Variants in NCEH1 observed in about 807,000 individuals in gnomAD.
NCEH1 encodes the protein neutral cholesterol ester hydrolase 1.
Under a neutral mutation model 25.4 loss-of-function variants are expected in NCEH1, and 9 were observed. That is an observed-to-expected ratio of 0.35 (90% CI 0.21 to 0.62). The LOEUF (loss-of-function observed/expected upper bound fraction) is 0.62. Ranked by LOEUF, NCEH1 falls within the 20% of genes least tolerant of loss-of-function variation. The probability of loss-of-function intolerance (pLI) is 0.72; values close to 1 mark genes in which losing one functional copy is unlikely to be tolerated. For synonymous variants in NCEH1, 200 were observed against 199.8 expected (o/e 1.00, Z -0.01); for missense variants, 412 against 501.1 (o/e 0.82, Z 1.70).
intron 3 of NCEH1, among the ~76,000 whole-genome samples, chr3:172,644,536 A>C (rs1279707720): frequency 1.3e-5 from 2 of 152,208 alleles, no homozygotes; most frequent in Non-Finnish European, 2.9e-5. Flanking sequence ...AGGTCCAGAG[A>C]CCTCAGGAAC....
intron 1 of NCEH1, among the ~76,000 whole-genome samples, chr3:172,656,109 T>C (rs1717678455): frequency 1.3e-5 from 2 of 152,094 alleles, no homozygotes. Context: ...ATCCAAGATA[T>C]GGGGCTGAAA....
intron 2 of NCEH1, among the ~76,000 whole-genome samples, chr3:172,646,763 A>T (rs1236885511): frequency 6.6e-6 from 1 of 152,186 alleles, no homozygotes; most frequent in Non-Finnish European, 1.5e-5. Flanking sequence ...AATCCATCCC[A>T]TTCCTGGCAC....
At chr3:172,639,241 TGA>T (rs1217434150) in intron 3 of NCEH1, among the ~76,000 whole-genome samples, 1 of 144,452 alleles carries the variant, frequency 6.9e-6, no homozygotes, top group African/African-American at 2.6e-5. Flanking sequence ...GAGGTTGCAG[TGA>T]GCCGAGATCA....
At chr3:172,645,443 A>G (rs1717074923) in intron 3 of NCEH1, among the ~76,000 whole-genome samples, 180 bp downstream of exon 3, 1 of 152,254 alleles carries the variant, frequency 6.6e-6, no homozygotes, top group Admixed American at 6.5e-5. Flanking sequence ...AGCTAGTTCA[A>G]TAAATTTTGT....
chr3:172,647,164 T>C (rs1717157287), intron 2 of NCEH1, among the ~76,000 whole-genome samples: 2 of 152,180 alleles, frequency 1.3e-5, no homozygotes, highest in African/African-American at 4.8e-5. Flanking sequence ...GCCATTGCTT[T>C]TAAACTAAGG....
chr3:172,708,340 C>A (rs1714118530), intron 1 of NCEH1, among the ~76,000 whole-genome samples: 1 of 152,158 alleles, frequency 6.6e-6, no homozygotes, highest in Admixed American at 6.5e-5. Flanking sequence ...ACGAGGTTGA[C>A]ACCATGCAAT....
chr3:172,650,949 G>C (rs796663300), intron 1 of NCEH1, among the ~76,000 whole-genome samples: 21 of 151,422 alleles, frequency 1.4e-4, no homozygotes, highest in African/African-American at 3.9e-4. Context: ...GTTCACAATT[G>C]TATTGATAAA....
chr3:172,647,021 GA>G (rs1158702509), intron 2 of NCEH1, among the ~76,000 whole-genome samples: 1 of 150,944 alleles, frequency 6.6e-6, no homozygotes, highest in Non-Finnish European at 1.5e-5. Flanking sequence ...TTGAAAATGT[GA>G]AAAAAAATCA....
intron 1 of NCEH1, among the ~76,000 whole-genome samples, chr3:172,707,008 A>G (rs755340611): frequency 5.3e-5 from 8 of 152,014 alleles, no homozygotes; most frequent in Non-Finnish European, 1.0e-4. Context: ...ATCATTACTT[A>G]CCATAAATTC....
intron 1 of NCEH1, among the ~76,000 whole-genome samples, chr3:172,650,130 T>C (rs1487718405): frequency 6.6e-6 from 1 of 152,230 alleles, no homozygotes; most frequent in Admixed American, 6.5e-5. Flanking sequence ...TTCGCTTGCA[T>C]TCACAGAATA....
At chr3:172,704,466 C>G (rs1713870844) in intron 1 of NCEH1, among the ~76,000 whole-genome samples, 1 of 152,226 alleles carries the variant, frequency 6.6e-6, no homozygotes, top group Non-Finnish European at 1.5e-5. Context: ...TTCCATCATT[C>G]AAGCACCTAC....
At chr3:172,707,647 C>G (rs1409923836) in intron 1 of NCEH1, among the ~76,000 whole-genome samples, 1 of 151,894 alleles carries the variant, frequency 6.6e-6, no homozygotes, top group Non-Finnish European at 1.5e-5. Context: ...GTGCAGTGGC[C>G]TGATCTCGGC....
intron 1 of NCEH1, among the ~76,000 whole-genome samples, chr3:172,664,095 A>G (rs1718092021): frequency 6.6e-6 from 1 of 152,148 alleles, no homozygotes; most frequent in South Asian, 2.1e-4. Context: ...AGTGGCTGGT[A>G]CCAGTTGTTC....
At chr3:172,644,040 G>C (rs989308843) in intron 3 of NCEH1, among the ~76,000 whole-genome samples, 3 of 152,222 alleles carry the variant, frequency 2.0e-5, no homozygotes. Flanking sequence ...TGCGGTGGCT[G>C]CTTCCTCAGC....
intron 1 of NCEH1, among the ~76,000 whole-genome samples, chr3:172,709,112 C>T (rs1560214069): frequency 1.3e-5 from 2 of 152,338 alleles, no homozygotes; most frequent in East Asian, 3.9e-4. Flanking sequence ...CAAGCACCAC[C>T]TGAGGGTATA....
At chr3:172,647,639 C>T (rs1717181737) in intron 2 of NCEH1, among the ~76,000 whole-genome samples, 1 of 152,190 alleles carries the variant, frequency 6.6e-6, no homozygotes, top group African/African-American at 2.4e-5. Flanking sequence ...AATTGACAAA[C>T]AAACTAACAA....
At chr3:172,677,886 C>CCACT (rs1426192604) in intron 1 of NCEH1, among the ~76,000 whole-genome samples, 5 of 152,228 alleles carry the variant, frequency 3.3e-5, no homozygotes, top group Non-Finnish European at 7.3e-5. Context: ...TGAGATCGTG[C>CCACT]CACTGCACTC....
At chr3:172,696,220 T>G (rs1576778714) in intron 1 of NCEH1, among the ~76,000 whole-genome samples, 1 of 152,148 alleles carries the variant, frequency 6.6e-6, no homozygotes, top group South Asian at 2.1e-4. Context: ...GTTAAATAAC[T>G]TGCCCAACTA....
intron 1 of NCEH1, among the ~76,000 whole-genome samples, chr3:172,656,901 T>C (rs973390929): frequency 5.3e-5 from 8 of 152,172 alleles, no homozygotes; most frequent in Non-Finnish European, 1.2e-4. Flanking sequence ...CCAATGCCGA[T>C]GCCAATGACC....
Sources: allele counts gnomAD v4.1 joint callset (sites outside exome capture counted in the v4.1 genomes callset), GRCh38; gene constraint gnomAD v4.1.1; transcripts MANE v1.5; gene names NCBI Gene and HGNC (gene_info 2026-07-23, HGNC 2026-07-21).